TRA2A: variants seen among roughly 807,000 people sequenced by gnomAD.
TRA2A encodes transformer-2 protein homolog alpha.
TRA2A carries 31 observed loss-of-function variants against 45.7 expected under a neutral mutation model. That is an observed-to-expected ratio of 0.68 (90% CI 0.51 to 0.92). TRA2A has a LOEUF of 0.92. TRA2A is among the 40% of genes least tolerant of loss of function. The pLI is 0.00. For synonymous variants in TRA2A, 132 were observed against 126.2 expected (o/e 1.05, Z -0.31); for missense variants, 304 against 367.5 (o/e 0.83, Z 1.41).
chr7:23,513,081 G>C lies in TRA2A; in HGVS notation c.338C>G (p.Ala113Gly). The C allele has an allele frequency of 6.3e-7, 1 of 1,575,628 alleles. No homozygotes were observed. Among genetic ancestry groups the C allele is most frequent in the Non-Finnish European group, 8.6e-7 (1 of 1,163,416 alleles). ...SNRRRHTGSR[A>G]NPDPNTCLGV... ...AAGGCAAGTGTTGGGATCTGGATTT[G>C]CCTATTGAATGGAAATATTATTTAA... Residue 113 changes from alanine to glycine, a missense_variant and splice_region_variant, in exon 4 of 8, where the codon GCA becomes GGA. Physicochemically the swap from Ala to Gly is moderately conservative, Grantham distance 60. Transcript: ENST00000297071.
chr7:23,523,467 G>T (rs1234084368), intron 1 of TRA2A, among the ~76,000 whole-genome samples: 3 of 152,150 alleles, frequency 2.0e-5, no homozygotes, highest in African/African-American at 7.2e-5. Context: ...CAATTTCACA[G>T]AAGTAATTTC....
chr7:23,505,605 AAAAG>A, intron 7 of TRA2A, 36 bp from the exon 8 acceptor site: 1 of 606,452 alleles, frequency 1.6e-6, no homozygotes, highest in Non-Finnish European at 2.9e-6. Context: ...AAAAAAAAAA[AAAAG>A]TTAACAATTA....
chr7:23,530,774 TGAGAA>T (rs1790542322), intron 1 of TRA2A, among the ~76,000 whole-genome samples: 1 of 151,860 alleles, frequency 6.6e-6, no homozygotes, highest in Non-Finnish European at 1.5e-5. Context: ...GGGGATAGAG[TGAGAA>T]GAGAAATGGG....
At chr7:23,520,488 G>A (rs972166133) in intron 2 of TRA2A, among the ~76,000 whole-genome samples, 1 of 152,148 alleles carries the variant, frequency 6.6e-6, no homozygotes, top group African/African-American at 2.4e-5. Context: ...TAACTGAGTA[G>A]TAAGTAATCA....
rs1789257545 is a variant in TRA2A, at chr7:23,505,198, C to G, written c.*361G>C. On this transcript the variant is annotated 3_prime_UTR_variant, in exon 8 of 8. Transcript: ENST00000297071. Reference sequence around the variant, plus strand: ...AAAGGAACTCATGATAAATGCAGATCTCTAATACAGTATCTAACACAAAAG... The same window carrying G: ...AAAGGAACTCATGATAAATGCAGATGTCTAATACAGTATCTAACACAAAAG... The G allele has an allele frequency of 4.7e-6, 1 of 212,532 alleles. No individual in the cohort carries two copies. The highest frequency in any genetic ancestry group is 9.1e-6 in the Non-Finnish European group (1 of 109,402). 13.2% of individuals were successfully genotyped at this position (212,532 alleles called of 1,614,324 possible). A position where few individuals can be genotyped will look rare whatever the true frequency, so the allele number is the denominator to read the frequency against.
chr7:23,510,712 T>TA (rs1789561598), intron 4 of TRA2A, among the ~76,000 whole-genome samples: 1 of 152,066 alleles, frequency 6.6e-6, no homozygotes, highest in Non-Finnish European at 1.5e-5. Flanking sequence ...ATATTAATAA[T>TA]AAAAAAATTA....
intron 4 of TRA2A, among the ~76,000 whole-genome samples, chr7:23,509,554 G>A (rs1789499990): frequency 1.3e-5 from 2 of 151,604 alleles, no homozygotes; most frequent in Admixed American, 1.3e-4. Context: ...TGGCCAACAT[G>A]GTGAAACCCC....
intron 2 of TRA2A, 52 bp downstream of exon 2, chr7:23,521,655 G>C: frequency 6.3e-7 from 1 of 1,594,082 alleles, no homozygotes; most frequent in East Asian, 2.2e-5. Flanking sequence ...CAACTGCTTT[G>C]TCCTCAAAAA....
At chr7:23,514,025 T>A (rs1044976027) in intron 3 of TRA2A, among the ~76,000 whole-genome samples, 3 of 151,802 alleles carry the variant, frequency 2.0e-5, no homozygotes, top group African/African-American at 7.3e-5. Context: ...TTGTGGGAGC[T>A]AAGAACATAA....
chr7:23,527,286 T>C (rs977056466), intron 1 of TRA2A, among the ~76,000 whole-genome samples: 2 of 152,162 alleles, frequency 1.3e-5, no homozygotes, highest in African/African-American at 2.4e-5. Flanking sequence ...TATAACTATA[T>C]ATATAAGTAA....
Position 23,512,979 on chromosome 7 carries a change from C to G in TRA2A, c.440G>C (p.Gly147Ala). 6.2e-7 allele frequency: 1 copy of G among 1,613,726 alleles called. No individual in the cohort carries two copies. Among genetic ancestry groups the G allele is most frequent in the Non-Finnish European group, 8.5e-7 (1 of 1,179,694 alleles). Reference protein sequence around the residue: ...EVFSRYGPLSGVNVVYDQRTG... With the variant: ...EVFSRYGPLSAVNVVYDQRTG... ...TCGCTGATCATAAACCACATTGACACCACTCAATGGTCCATATCGAGAAAA... is the reference window on the plus strand; with the variant it reads ...TCGCTGATCATAAACCACATTGACAGCACTCAATGGTCCATATCGAGAAAA... Residue 147 changes from glycine (G) to alanine (A), a missense_variant, in exon 4 of 8, where the codon GGT (glycine) becomes GCT (alanine). Coordinates refer to ENST00000297071, the MANE Select transcript of TRA2A (RefSeq NM_013293.5).
At position 23,516,777 on chromosome 7, in the gene TRA2A, C is replaced by CAA. The variant is rs139559008; in HGVS notation, c.171-251_171-250dup. Among the ~76,000 whole-genome samples, 913 of 145,664 alleles carry CAA rather than the reference C, an allele frequency of 6.3e-3. 12 individuals carry two copies. Among genetic ancestry groups the CAA allele is most frequent in the African/African-American group, 0.022 (870 of 39,902 alleles). Reference sequence around the variant, plus strand: ...TAAGGCCCCATCTTCTTTTAAAAAACAAAAAAAAAACAAAAAACAAAAACC... The same window carrying CAA: ...TAAGGCCCCATCTTCTTTTAAAAAACAAAAAAAAAAAACAAAAAACAAAAACC... On this transcript the variant is annotated intron_variant, in intron 2 of 7. Coordinates refer to ENST00000297071, the MANE Select transcript of TRA2A (RefSeq NM_013293.5).
rs1402603548 is a variant in TRA2A at position 23,516,503 on chromosome 7, T to C, written c.196A>G (p.Arg66Gly). The C allele has an allele frequency of 6.2e-7, 1 of 1,614,158 alleles. No homozygotes were observed. Among genetic ancestry groups the C allele is most frequent in the African/African-American group, 1.3e-5 (1 of 75,068 alleles). The change falls in exon 3 of 8, where the codon AGA (arginine) becomes GGA (glycine). Residue 66 changes from arginine to glycine, a missense_variant. This residue lies in a region of TRA2A where 132 missense variants were observed against 113.4 expected (regional missense o/e 1.16). Transcript: ENST00000297071. ...TGGGATCTGGATCGAGTGTAACGTC[T>C]ATGAGAATGTCTCCTTGACCTCGAC... is the stretch of plus-strand genomic sequence containing the variant. The part of the protein sequence containing the change: ...SRSRSRRHSH[R>G]RYTRSRSHSH...
rs1650726019 is a variant in TRA2A, at chr7:23,506,260, A to G, written c.648T>C (p.Gly216=). The stretch of plus-strand genomic sequence containing the variant: ...CGCCGCCGCCTCCTCCACCACCCCC[A>G]CCACTACTGCAGAAAAATGTAAAAA... ...GIYMGRPTHS[G]GGGGGGGGGG... is the part of the protein sequence containing the mutation. The change falls in exon 6 of 8, where the codon GGT becomes GGC. Residue 216 remains glycine, a synonymous_variant. Transcript: ENST00000297071. 3 of 1,592,172 alleles carry G rather than the reference A, an allele frequency of 1.9e-6. No homozygotes were observed. The highest frequency in any genetic ancestry group is 2.6e-6 in the Non-Finnish European group (3 of 1,166,076).
At chr7:23,531,631 G>A (rs1562805306) in intron 1 of TRA2A, 158 bp downstream of exon 1, 5 of 727,740 alleles carry the variant, frequency 6.9e-6, no homozygotes, top group Non-Finnish European at 1.1e-5. Flanking sequence ...GGAAGGAGTG[G>A]AACCCAGAAG....
chr7:23,520,683 ATTTTTTT>A (rs11346990), intron 2 of TRA2A, among the ~76,000 whole-genome samples: 11 of 129,732 alleles, frequency 8.5e-5, no homozygotes, highest in African/African-American at 2.6e-4. Flanking sequence ...GCTGTTTTAA[ATTTTTTT>A]TTTTTTTTTT....
intron 4 of TRA2A, 39 bp from the exon 5 acceptor site, chr7:23,507,574 C>T: frequency 7.1e-7 from 1 of 1,408,276 alleles, no homozygotes; most frequent in Non-Finnish European, 1.0e-6. Flanking sequence ...TATAATTCAC[C>T]AGTCTTGAAG....
intron 1 of TRA2A, among the ~76,000 whole-genome samples, chr7:23,529,812 T>G (rs1790495916): frequency 6.6e-6 from 1 of 151,894 alleles, no homozygotes; most frequent in Non-Finnish European, 1.5e-5. Flanking sequence ...AAATAAATCT[T>G]TAATGCCTAC....
intron 4 of TRA2A, among the ~76,000 whole-genome samples, chr7:23,511,944 A>T (rs1187508926): frequency 6.6e-6 from 1 of 152,214 alleles, no homozygotes; most frequent in Non-Finnish European, 1.5e-5. Flanking sequence ...ATAGACACAA[A>T]ATTAAACATA....
Sources: allele counts gnomAD v4.1 joint callset (sites outside exome capture counted in the v4.1 genomes callset), GRCh38; gene constraint gnomAD v4.1.1; regional missense constraint gnomAD v4.1.1; transcripts MANE v1.5; gene names NCBI Gene and HGNC (gene_info 2026-07-23, HGNC 2026-07-21).